CDH13: variants seen among roughly 807,000 people sequenced by gnomAD.
The protein encoded by CDH13 is cadherin 13, also known as cadherin-13.
In CDH13, 24 loss-of-function variants were observed where a neutral mutation model predicts 63.8. That is an observed-to-expected ratio of 0.38 (90% CI 0.27 to 0.53). The LOEUF is 0.53. CDH13 is among the 20% of genes least tolerant of loss of function. The probability of loss-of-function intolerance (pLI) is 0.85; values close to 1 mark genes in which losing one functional copy is unlikely to be tolerated. For missense variants in CDH13, 1,049 were observed against 903.1 expected, an observed-to-expected ratio of 1.16 and a Z score of -2.07; for synonymous variants, 503 against 355.3, an observed-to-expected ratio of 1.42 and a Z score of -4.67.
chr16:82,844,464 G>T (rs1445580297), intron 1 of CDH13: 3 of 151,150 alleles, frequency 2.0e-5, no homozygotes, highest in African/African-American at 7.3e-5. Flanking sequence ...AGCCGGGCGT[G>T]GTGGCGGGCG....
chr16:83,249,531 T>C (rs1905282260), intron 5 of CDH13, among the ~76,000 whole-genome samples: 1 of 152,168 alleles, frequency 6.6e-6, no homozygotes, highest in South Asian at 2.1e-4. Flanking sequence ...TTAATCCCAA[T>C]AGCTACTTCA....
intron 7 of CDH13, among the ~76,000 whole-genome samples, chr16:83,587,678 A>T (rs74035207): frequency 0.057 from 8,650 of 152,242 alleles, 840 homozygotes; most frequent in African/African-American, 0.2. Flanking sequence ...TTCCACACAG[A>T]TCATTTAATA....
At chr16:82,758,617 G>A (rs1365703185) in intron 1 of CDH13, among the ~76,000 whole-genome samples, 1 of 152,194 alleles carries the variant, frequency 6.6e-6, no homozygotes, top group African/African-American at 2.4e-5. Flanking sequence ...CTAGAGGAGA[G>A]GTCACGCGGC....
At chr16:82,913,977 C>T (rs1345560743) in intron 2 of CDH13, among the ~76,000 whole-genome samples, 1 of 151,520 alleles carries the variant, frequency 6.6e-6, no homozygotes, top group African/African-American at 2.4e-5. Flanking sequence ...ATGTAGACAC[C>T]ACTTGTTAAA....
chr16:82,848,975 A>T (rs2039375051), intron 1 of CDH13, among the ~76,000 whole-genome samples: 1 of 152,186 alleles, frequency 6.6e-6, no homozygotes, highest in Non-Finnish European at 1.5e-5. Flanking sequence ...GAACATATGA[A>T]TGATAAGAAA....
chr16:82,759,087 G>C (rs887877485), intron 1 of CDH13, among the ~76,000 whole-genome samples: 1 of 152,180 alleles, frequency 6.6e-6, no homozygotes, highest in South Asian at 2.1e-4. Flanking sequence ...ATGTGGGGAA[G>C]CTGGCTCCCT....
At chr16:83,776,337 A>T (rs1915112874) in intron 11 of CDH13, among the ~76,000 whole-genome samples, 1 of 152,222 alleles carries the variant, frequency 6.6e-6, no homozygotes, top group South Asian at 2.1e-4. Context: ...AGAGAAAAAT[A>T]ATTTTTCAGT....
rs537944651 is a variant in CDH13 at position 83,290,863 on chromosome 16, C to T, written c.637-53999C>T. 2.6e-5 allele frequency among the ~76,000 whole-genome samples: 4 copies of T among 152,278 alleles called. No individual in the cohort carries two copies. In the South Asian group the frequency reaches 8.3e-4, roughly 32 times the overall value. ...ACCTTGCTTTTCCTGACTGTTCTCTCTGCCTACTGCCTAGAATGTTTTTTT... is the reference window on the plus strand; with the variant it reads ...ACCTTGCTTTTCCTGACTGTTCTCTTTGCCTACTGCCTAGAATGTTTTTTT... On this transcript the variant is annotated intron_variant, in intron 5 of 13. Transcript: ENST00000567109.
chr16:82,741,348 T>C (rs1251581858), intron 1 of CDH13, among the ~76,000 whole-genome samples: 1 of 152,238 alleles, frequency 6.6e-6, no homozygotes, highest in East Asian at 1.9e-4. Context: ...GGTGAATTGA[T>C]GTTTATTCGT....
rs115382240 is a variant in CDH13 at position 83,247,405 on chromosome 16, T to G, written c.636+29908T>G. On this transcript the variant is annotated intron_variant, in intron 5 of 13. Coordinates refer to ENST00000567109, the MANE Select transcript of CDH13 (RefSeq NM_001257.5). ...TAATGACTTTGTACGTGCTTCAGTTTAGTGCATATCCCACTCTTGTGTCCT... is the reference window on the plus strand; with the variant it reads ...TAATGACTTTGTACGTGCTTCAGTTGAGTGCATATCCCACTCTTGTGTCCT... 5.6e-3 allele frequency among the ~76,000 whole-genome samples: 849 copies of G among 152,286 alleles called. 7 individuals carry two copies. Among genetic ancestry groups the G allele is most frequent in the African/African-American group, 0.017 (688 of 41,544 alleles).
At chr16:83,497,205 T>G (rs1184401248) in intron 7 of CDH13, among the ~76,000 whole-genome samples, 1 of 151,972 alleles carries the variant, frequency 6.6e-6, no homozygotes, top group African/African-American at 2.4e-5. Context: ...TAAAGACACA[T>G]GCACACGTAT....
At chr16:83,074,135 C>A (rs1340807367) in intron 3 of CDH13, among the ~76,000 whole-genome samples, 2 of 152,182 alleles carry the variant, frequency 1.3e-5, no homozygotes, top group East Asian at 3.9e-4. Context: ...TCTTCACTTA[C>A]CCTCCCAGAC....
chr16:83,301,003 C>G (rs564576255), intron 5 of CDH13, among the ~76,000 whole-genome samples: 18 of 137,740 alleles, frequency 1.3e-4, no homozygotes, highest in African/African-American at 3.8e-4. Flanking sequence ...ACATGTTGAA[C>G]TGATACATAT....
At chr16:83,080,461 G>A (rs997632503) in intron 3 of CDH13, among the ~76,000 whole-genome samples, 1 of 152,162 alleles carries the variant, frequency 6.6e-6, no homozygotes, top group African/African-American at 2.4e-5. Context: ...GCATCTGCCT[G>A]ACCTTCTTGG....
At chr16:83,240,940 T>G (rs1904384010) in intron 5 of CDH13, among the ~76,000 whole-genome samples, 1 of 152,060 alleles carries the variant, frequency 6.6e-6, no homozygotes, top group South Asian at 2.1e-4. Context: ...CAGGACCTCT[T>G]CATCTTGCAA....
intron 8 of CDH13, among the ~76,000 whole-genome samples, chr16:83,644,752 G>A (rs571270401): frequency 6.6e-6 from 1 of 152,260 alleles, no homozygotes; most frequent in Admixed American, 6.5e-5. Context: ...ATCAGCAGTG[G>A]GGGTCCCCAG....
intron 2 of CDH13, among the ~76,000 whole-genome samples, chr16:83,031,381 C>T (rs374926905): frequency 8.7e-5 from 6 of 69,052 alleles, no homozygotes; most frequent in Non-Finnish European, 1.7e-4. Context: ...TATGTATACA[C>T]GTATATGTAT....
At chr16:82,701,670 C>T (rs1480556675) in intron 1 of CDH13, among the ~76,000 whole-genome samples, 3 of 152,094 alleles carry the variant, frequency 2.0e-5, no homozygotes, top group Admixed American at 6.6e-5. Flanking sequence ...TGGCTTCCAG[C>T]AGCAATCCCA....
chr16:83,082,373 C>G (rs1264555409), intron 3 of CDH13, among the ~76,000 whole-genome samples: 1 of 152,006 alleles, frequency 6.6e-6, no homozygotes, highest in Non-Finnish European at 1.5e-5. Flanking sequence ...GCCCTTAATC[C>G]CAGCATTTTG....
Sources: allele counts gnomAD v4.1 joint callset (sites outside exome capture counted in the v4.1 genomes callset), GRCh38; gene constraint gnomAD v4.1.1; transcripts MANE v1.5; gene names NCBI Gene and HGNC (gene_info 2026-07-23, HGNC 2026-07-21).